The following ZDHHC9 variants were observed in gnomAD, a reference collection of about 807,000 sequenced individuals.
The protein encoded by ZDHHC9 is zDHHC palmitoyltransferase 9, also known as palmitoyltransferase ZDHHC9.
In ZDHHC9, 3 loss-of-function variants were observed where a neutral mutation model predicts 26.6. The ratio of observed to expected loss-of-function variants is 0.11; its 90% CI spans 0.05 to 0.29. The LOEUF is 0.29. Ranked by LOEUF, ZDHHC9 falls within the 10% of genes least tolerant of loss-of-function variation. The pLI, the probability that ZDHHC9 is intolerant of heterozygous loss-of-function variation, is 1.00. For missense variants in ZDHHC9, 146 were observed against 296.4 expected (o/e 0.49, Z 3.73); for synonymous variants, 111 against 109.4 (o/e 1.01, Z -0.09).
At chrX:129,808,954 G>A (rs1407311637) in intron 10 of ZDHHC9, among the ~76,000 whole-genome samples, 1 of 112,066 alleles carries the variant, frequency 8.9e-6, no homozygotes, top group Admixed American at 9.5e-5. Flanking sequence ...TGGCCAATAA[G>A]CACATGAAAA....
intron 8 of ZDHHC9, 130 bp downstream of exon 8, chrX:129,812,588 C>T: frequency 1.7e-6 from 1 of 574,130 alleles, no homozygotes; most frequent in South Asian, 2.3e-5. Flanking sequence ...GACTTAACAA[C>T]CTCGCATACC....
In ZDHHC9 at chrX:129,812,777, C is replaced by T. The variant is rs770589013; in HGVS notation, c.718G>A (p.Val240Met). 2 of 1,211,033 alleles carry T rather than the reference C, an allele frequency of 1.7e-6. No homozygotes were observed. Among genetic ancestry groups the T allele is most frequent in the Non-Finnish European group, 1.1e-6 (1 of 895,014 alleles). The change falls in exon 8 of 11, where the codon GTG becomes ATG. Residue 240 changes from valine to methionine, a missense_variant. Coordinates refer to ENST00000357166, the MANE Select transcript of ZDHHC9 (RefSeq NM_016032.4). ...AAAGTATGAAATCCAGTCAGTCCCA[C>T]GACGGACCAGAGTGTAAAGAAGCAA... is the stretch of plus-strand genomic sequence containing the variant. ...LICFFTLWSVVGLTGFHTFLV... is the reference protein window; with the variant it reads ...LICFFTLWSVMGLTGFHTFLV...
chrX:129,825,521 T>C (rs1416244305), intron 4 of ZDHHC9, among the ~76,000 whole-genome samples: 2 of 111,629 alleles, frequency 1.8e-5, no homozygotes, highest in African/African-American at 6.5e-5. Context: ...TTCTAAAACA[T>C]AACTACTGGC....
intron 3 of ZDHHC9, among the ~76,000 whole-genome samples, chrX:129,832,611 G>A (rs1310986805): frequency 2.7e-5 from 3 of 110,187 alleles, no homozygotes; most frequent in African/African-American, 6.6e-5. Context: ...GTGAAACCCC[G>A]TCTCTACTAA....
chrX:129,821,362 G>A (rs1438371643), intron 5 of ZDHHC9, among the ~76,000 whole-genome samples: 2 of 104,138 alleles, frequency 1.9e-5, no homozygotes, highest in African/African-American at 7.1e-5. Context: ...GCGCGATCTT[G>A]GCTCACTACA....
At chrX:129,839,223 C>CTT (rs767316222) in intron 3 of ZDHHC9, among the ~76,000 whole-genome samples, 6 of 94,676 alleles carry the variant, frequency 6.3e-5, no homozygotes, top group Admixed American at 3.4e-4. Context: ...TCACTAAGTT[C>CTT]TTTTTTTTTT....
intron 7 of ZDHHC9, 93 bp downstream of exon 7, chrX:129,813,584 G>A: frequency 1.0e-6 from 1 of 957,623 alleles, no homozygotes; most frequent in Non-Finnish European, 1.5e-6. Context: ...TCTGATATCT[G>A]AAAAACTAGA....
At chrX:129,808,880 A>G (rs925678615) in intron 10 of ZDHHC9, among the ~76,000 whole-genome samples, 1 of 112,360 alleles carries the variant, frequency 8.9e-6, no homozygotes, top group Non-Finnish European at 1.9e-5. Context: ...AAAAAAGACA[A>G]ACAATCCAAT....
intron 8 of ZDHHC9, among the ~76,000 whole-genome samples, chrX:129,811,925 CATAA>C (rs1270284781): frequency 9.0e-6 from 1 of 111,066 alleles, no homozygotes; most frequent in East Asian, 2.8e-4. Flanking sequence ...AATATAAACA[CATAA>C]ATAAACATGG....
intron 10 of ZDHHC9, among the ~76,000 whole-genome samples, chrX:129,807,870 A>C (rs1569316920): frequency 8.9e-6 from 1 of 112,552 alleles, no homozygotes; most frequent in Non-Finnish European, 1.9e-5. Context: ...AAGCTTGGCA[A>C]GGTTTTAGGG....
chrX:129,807,801 A>G (rs1398960340), intron 10 of ZDHHC9, among the ~76,000 whole-genome samples: 2 of 112,639 alleles, frequency 1.8e-5, no homozygotes, highest in African/African-American at 3.2e-5. Flanking sequence ...CCTGGGCAAC[A>G]GAGCGAAACT....
Position 129,806,304 on chromosome X carries a change from A to G in ZDHHC9, c.*66T>C. 2 of 987,094 alleles carry G rather than the reference A, an allele frequency of 2.0e-6. No individual in the cohort carries two copies. The highest frequency in any genetic ancestry group is 2.9e-6 in the Non-Finnish European group (2 of 690,639). The allele number at this position is 987,094 out of a possible 1,213,427, so 81.3% of individuals were successfully genotyped here. ...CTTACTTGCTCTCTGTCTCAGGTTT[A>G]ACTTCTCACCTGAAATCTCTCATAG... On this transcript the variant is annotated 3_prime_UTR_variant, in exon 11 of 11. Transcript: ENST00000357166.
chrX:129,840,812 C>A (rs1391987638), intron 3 of ZDHHC9, among the ~76,000 whole-genome samples: 1 of 110,385 alleles, frequency 9.1e-6, no homozygotes, highest in African/African-American at 3.3e-5. Context: ...CCCAAGGGAC[C>A]AGAGCTCATT....
At chrX:129,820,677 CT>C (rs1927863037) in intron 5 of ZDHHC9, among the ~76,000 whole-genome samples, 1 of 111,809 alleles carries the variant, frequency 8.9e-6, no homozygotes, top group South Asian at 3.7e-4. Flanking sequence ...TATATTTCTC[CT>C]GGAATATCAG....
At chrX:129,827,878 G>C (rs1461575134) in intron 4 of ZDHHC9, among the ~76,000 whole-genome samples, 2 of 111,761 alleles carry the variant, frequency 1.8e-5, no homozygotes, top group Admixed American at 1.9e-4. Flanking sequence ...GTGCAGTGGC[G>C]CAATCTAGGC....
chrX:129,841,875 C>T lies in ZDHHC9; in HGVS notation c.71G>A (p.Cys24Tyr), dbSNP rs1177392425. ...GGCCATCATGACGCGGCCATCACAG[C>T]AAAAGGTGTTCCTGCCTGGGAGTTT... ...WEKLPGRNTFCCDGRVMMARQ... is the reference protein window; with the variant it reads ...WEKLPGRNTFYCDGRVMMARQ... The change falls in exon 3 of 11, where the codon TGC becomes TAC. Residue 24 changes from cysteine (C) to tyrosine (Y), a missense_variant. Cys to Tyr is a radical substitution (Grantham distance 194). Around this residue, in one of 2 missense-constraint regions of ZDHHC9, gnomAD observed 100 missense variants for 250.0 expected, o/e 0.40. Transcript: ENST00000357166. 3.3e-6 allele frequency: 4 copies of T among 1,212,009 alleles called. No individual in the cohort carries two copies. The highest frequency in any genetic ancestry group is 4.5e-6 in the Non-Finnish European group (4 of 895,579).
At chrX:129,827,104 G>A (rs1422338924) in intron 4 of ZDHHC9, among the ~76,000 whole-genome samples, 1 of 110,056 alleles carries the variant, frequency 9.1e-6, no homozygotes, top group Non-Finnish European at 1.9e-5. Context: ...TGAGGCACGA[G>A]AATCACTTGA....
intron 5 of ZDHHC9, among the ~76,000 whole-genome samples, chrX:129,819,718 G>T (rs1051120426): frequency 9.2e-6 from 1 of 108,418 alleles, no homozygotes; most frequent in African/African-American, 3.5e-5. Context: ...TTTATTTAGA[G>T]ACAGAGTCTT....
intron 5 of ZDHHC9, among the ~76,000 whole-genome samples, chrX:129,817,024 G>A (rs1021665042): frequency 5.4e-5 from 6 of 110,113 alleles, no homozygotes; most frequent in African/African-American, 1.3e-4. Context: ...ACAGGCATCC[G>A]CCACCACGCC....
Sources: gnomAD v4.1 joint callset for allele counts (sites outside exome capture counted in the v4.1 genomes callset) on GRCh38, gnomAD v4.1.1 for gene constraint, gnomAD v4.1.1 regional missense constraint, MANE v1.5 for transcripts, NCBI Gene and HGNC (gene_info 2026-07-23, HGNC 2026-07-21) for gene names.